Variants in PPP1R12A observed in about 807,000 individuals in gnomAD.
The protein encoded by PPP1R12A is protein phosphatase 1 regulatory subunit 12A.
PPP1R12A carries 19 observed loss-of-function variants against 139.6 expected under a neutral mutation model. The ratio of observed to expected loss-of-function variants is 0.14; its 90% CI spans 0.09 to 0.20. The LOEUF (loss-of-function observed/expected upper bound fraction) is 0.20. PPP1R12A is among the 10% of genes least tolerant of loss of function. PPP1R12A has a pLI of 1.00. For synonymous variants in PPP1R12A, 427 were observed against 420.6 expected, an observed-to-expected ratio of 1.02 and a Z score of -0.19; for missense variants, 925 against 1,211.5, an observed-to-expected ratio of 0.76 and a Z score of 3.51.
chr12:79,873,874 T>C (rs937248438), intron 1 of PPP1R12A, among the ~76,000 whole-genome samples: 1 of 152,232 alleles, frequency 6.6e-6, no homozygotes, highest in Admixed American at 6.5e-5. Flanking sequence ...CTTAGCCACT[T>C]TTCCATGCAA....
chr12:79,818,481 A>C (rs1592663199), intron 8 of PPP1R12A, among the ~76,000 whole-genome samples: 1 of 152,090 alleles, frequency 6.6e-6, no homozygotes, highest in African/African-American at 2.4e-5. Context: ...GAGCTTAAGC[A>C]ATCCTCCAGA....
chr12:79,845,378 A>G lies in PPP1R12A; in HGVS notation c.411T>C (p.Ser137=), dbSNP rs970979026. The G allele has an allele frequency of 5.6e-6, 9 of 1,613,530 alleles. No homozygotes were observed. Among genetic ancestry groups the G allele is most frequent in the Admixed American group, 1.7e-5 (1 of 59,990 alleles). Residue 137 remains serine, a synonymous_variant, in exon 3 of 25, where the codon AGT becomes AGC. Transcript: ENST00000450142. ...GQGAHVGAVN[S]EGDTPLDIAE... is the part of the protein sequence containing the mutation. Reference sequence around the variant, plus strand: ...CAATATCTAAAGGTGTATCTCCTTCACTGTTGACAGCCCCTACATGTGCTC... The same window carrying G: ...CAATATCTAAAGGTGTATCTCCTTCGCTGTTGACAGCCCCTACATGTGCTC...
At chr12:79,889,096 T>C (rs187456131) in intron 1 of PPP1R12A, among the ~76,000 whole-genome samples, 1 of 152,302 alleles carries the variant, frequency 6.6e-6, no homozygotes, top group African/African-American at 2.4e-5. Flanking sequence ...TGAAACAAAT[T>C]CCTGGATATT....
intron 24 of PPP1R12A, chr12:79,777,754 C>G: frequency 1.7e-6 from 1 of 600,654 alleles, no homozygotes; most frequent in Non-Finnish European, 2.1e-6. Context: ...AATATTACGT[C>G]TTAAAGGAAC....
intron 3 of PPP1R12A, among the ~76,000 whole-genome samples, chr12:79,837,348 CTAGA>C (rs1878204368): frequency 6.6e-6 from 1 of 151,746 alleles, no homozygotes; most frequent in South Asian, 2.1e-4. Flanking sequence ...TAATGTGTCC[CTAGA>C]TAAATAAAGA....
At chr12:79,881,063 C>G (rs1036618970) in intron 1 of PPP1R12A, among the ~76,000 whole-genome samples, 1 of 152,086 alleles carries the variant, frequency 6.6e-6, no homozygotes, top group African/African-American at 2.4e-5. Flanking sequence ...CTGACCACTC[C>G]ACAAACCGGC....
rs1873820206 is a variant in PPP1R12A at position 79,806,298 on chromosome 12, C to T, written c.1691G>A (p.Ser564Asn). 2 of 1,613,668 alleles carry T rather than the reference C, an allele frequency of 1.2e-6. No individual in the cohort carries two copies. The highest frequency in any genetic ancestry group is 1.7e-5 in the Admixed American group (1 of 59,996). ...SFGRRQDDLI[S>N]SSVPSTTSTP... ...TGATGTGGTGCTTGGAACACTAGAA[C>T]TAATCAAATCATCTTGTCTTCTACC... Residue 564 changes from serine (S) to asparagine (N), a missense_variant, in exon 13 of 25, where the codon AGT becomes AAT. Around this residue, in one of 4 missense-constraint regions of PPP1R12A, gnomAD observed 403 missense variants for 463.7 expected, o/e 0.87. Coordinates refer to ENST00000450142, the MANE Select transcript of PPP1R12A (RefSeq NM_002480.3).
Position 79,796,722 on chromosome 12 carries a change from A to T in PPP1R12A, c.2461+60T>A, listed in dbSNP as rs1872552860. ...TTACTGTTGAATTATTATTTAGGAA[A>T]CCCTAATCCAAAGGATTATATGAAG... On this transcript the variant is annotated intron_variant, in intron 17 of 24. Coordinates refer to ENST00000450142, the MANE Select transcript of PPP1R12A (RefSeq NM_002480.3). The T allele has an allele frequency of 3.0e-6, 4 of 1,318,900 alleles. No individual in the cohort carries two copies. The Admixed American group carries it at 9.9e-5, about 33-fold the overall frequency. The allele number at this position is 1,318,900 out of a possible 1,614,324, so 81.7% of individuals were successfully genotyped here.
chr12:79,852,565 T>C (rs2137244797), intron 2 of PPP1R12A, among the ~76,000 whole-genome samples: 1 of 152,246 alleles, frequency 6.6e-6, no homozygotes, highest in South Asian at 2.1e-4. Flanking sequence ...AAATTTTCTG[T>C]GTTAGTTGGC....
intron 14 of PPP1R12A, among the ~76,000 whole-genome samples, chr12:79,799,268 C>T (rs1053627909): frequency 4.6e-5 from 7 of 152,108 alleles, no homozygotes; most frequent in African/African-American, 1.7e-4. Flanking sequence ...CTCACCTCAG[C>T]CTCCTGAGTA....
intron 11 of PPP1R12A, 47 bp from the exon 12 acceptor site, chr12:79,807,377 G>C: frequency 8.1e-7 from 1 of 1,234,180 alleles, no homozygotes; most frequent in Non-Finnish European, 1.2e-6. Context: ...TTTTAAAATA[G>C]GATTAAGAAA....
intron 2 of PPP1R12A, among the ~76,000 whole-genome samples, chr12:79,857,600 A>C (rs1023712167): frequency 6.6e-6 from 1 of 151,914 alleles, no homozygotes; most frequent in Admixed American, 6.5e-5. Flanking sequence ...TAAAAAAATA[A>C]TAAAATAAAA....
At chr12:79,895,941 G>A (rs1162132304) in intron 1 of PPP1R12A, among the ~76,000 whole-genome samples, 4 of 152,156 alleles carry the variant, frequency 2.6e-5, no homozygotes, top group Non-Finnish European at 5.9e-5. Flanking sequence ...GTAAGAGCAA[G>A]GCTTCTAGGA....
Position 79,774,085 on chromosome 12 carries a change from T to A in PPP1R12A, c.*1844A>T, listed in dbSNP as rs1417743736. 6.6e-6 allele frequency: 1 copy of A among 152,206 alleles called. No individual in the cohort carries two copies. Among genetic ancestry groups the A allele is most frequent in the African/African-American group, 2.4e-5 (1 of 41,458 alleles). 9.4% of individuals were successfully genotyped at this position (152,206 alleles called of 1,614,324 possible). The stretch of plus-strand genomic sequence containing the variant: ...TAAACCATAGCATGCCTAACTGTTG[T>A]GCAACCAGAACATGTTGCAGTCACT... On this transcript the variant is annotated 3_prime_UTR_variant, in exon 25 of 25. Coordinates refer to ENST00000450142, the MANE Select transcript of PPP1R12A (RefSeq NM_002480.3).
At chr12:79,820,514 G>A (rs1280378845) in intron 8 of PPP1R12A, among the ~76,000 whole-genome samples, 1 of 152,114 alleles carries the variant, frequency 6.6e-6, no homozygotes, top group Non-Finnish European at 1.5e-5. Flanking sequence ...TGTACCTAAG[G>A]AGTCTTAGAA....
chr12:79,903,628 T>TCTTG (rs975111946), intron 1 of PPP1R12A, among the ~76,000 whole-genome samples: 1 of 152,132 alleles, frequency 6.6e-6, no homozygotes, highest in Non-Finnish European at 1.5e-5. Context: ...GTCCCAAGTA[T>TCTTG]CTTGGATGAG....
At chr12:79,874,957 C>T (rs1882958798) in intron 1 of PPP1R12A, among the ~76,000 whole-genome samples, 1 of 152,124 alleles carries the variant, frequency 6.6e-6, no homozygotes, top group South Asian at 2.1e-4. Flanking sequence ...ATGCTGATTC[C>T]TTCTCATTAA....
At chr12:79,924,580 C>T (rs138820571) in intron 1 of PPP1R12A, among the ~76,000 whole-genome samples, 196 of 151,860 alleles carry the variant, frequency 1.3e-3, no homozygotes, top group Non-Finnish European at 2.3e-3. Flanking sequence ...AGATGCGTGT[C>T]GCCATGCTCA....
intron 20 of PPP1R12A, among the ~76,000 whole-genome samples, chr12:79,789,071 G>C (rs987832655): frequency 6.6e-6 from 1 of 151,998 alleles, no homozygotes; most frequent in Non-Finnish European, 1.5e-5. Context: ...TGGGTTGCTG[G>C]GACTACAGGC....
Sources: gnomAD v4.1 joint callset for allele counts (sites outside exome capture counted in the v4.1 genomes callset) on GRCh38, gnomAD v4.1.1 for gene constraint, gnomAD v4.1.1 regional missense constraint, MANE v1.5 for transcripts, NCBI Gene and HGNC (gene_info 2026-07-23, HGNC 2026-07-21) for gene names.